Variants in YBX2 observed in about 807,000 individuals in gnomAD.
YBX2 encodes Y-box-binding protein 2.
YBX2 carries 5 observed loss-of-function variants against 44.4 expected under a neutral mutation model. The observed-to-expected ratio is 0.11, with a 90% CI of 0.06 to 0.24. YBX2 has a LOEUF of 0.24. YBX2 is among the 10% of genes least tolerant of loss of function. The pLI, the probability that YBX2 is intolerant of heterozygous loss-of-function variation, is 1.00. For synonymous variants in YBX2, 188 were observed against 216.1 expected, an observed-to-expected ratio of 0.87 and a Z score of 1.14; for missense variants, 417 against 526.9, an observed-to-expected ratio of 0.79 and a Z score of 2.04.
rs1302453441 is a variant in YBX2 at position 7,294,208 on chromosome 17, C to T, written c.271+22G>A. ...CAGCCCGCCGACCCCTCAGAGCCGC[C>T]CTGTGCGCGCCTGCCCCTCACCCAG... On this transcript the variant is annotated intron_variant, in intron 1 of 8. Coordinates refer to ENST00000007699, the MANE Select transcript of YBX2 (RefSeq NM_015982.4). The surrounding 1 kb of genome is among the most constrained non-coding windows in gnomAD (Gnocchi z 4.6). 21 of 1,263,238 alleles carry T rather than the reference C, an allele frequency of 1.7e-5. No individual in the cohort carries two copies. In the East Asian group the frequency reaches 4.1e-4, roughly 24 times the overall value. 78.3% of individuals were successfully genotyped at this position (1,263,238 alleles called of 1,614,324 possible).
rs1329522833 is a variant in YBX2, at chr17:7,294,578, G to C, written c.-78C>G. The C allele has an allele frequency of 3.9e-6, 5 of 1,271,692 alleles. No homozygotes were observed. The highest frequency in any genetic ancestry group is 4.0e-6 in the Non-Finnish European group (4 of 1,011,104). The allele number at this position is 1,271,692 out of a possible 1,614,324, so 78.8% of individuals were successfully genotyped here. On this transcript the variant is annotated 5_prime_UTR_variant, in exon 1 of 9. Transcript: ENST00000007699. This position sits in a 1 kb window ranked among gnomAD's most constrained non-coding sequence, Gnocchi z 4.6. ...GGCTCGCGAACCCACCGCCCTGCTC[G>C]GTCCTCGCGCCCCGAGCCTCGCCCA...
intron 7 of YBX2, 64 bp from the exon 8 acceptor site, chr17:7,288,902 A>G: frequency 1.9e-6 from 3 of 1,599,370 alleles, no homozygotes; most frequent in Non-Finnish European, 2.6e-6. Flanking sequence ...GTCTCACTCC[A>G]GGTTGGATGG....
Position 7,290,340 on chromosome 17 carries a change from G to T in YBX2, c.655C>A (p.Arg219=). The stretch of plus-strand genomic sequence containing the variant: ...GGTGGGGGGCACCATCGTCGGGGCC[G>T]TTGCCCAGAGTCTTCAGCCCGCTCC... ...KGERAEDSGQ[R]PRRWCPPPFF... The change falls in exon 5 of 9, where the codon CGG becomes AGG. Residue 219 remains arginine (R), a synonymous_variant. Coordinates refer to ENST00000007699, the MANE Select transcript of YBX2 (RefSeq NM_015982.4). 1 of 1,613,802 alleles carries T rather than the reference G, an allele frequency of 6.2e-7. No individual in the cohort carries two copies. The highest frequency in any genetic ancestry group is 1.3e-5 in the African/African-American group (1 of 75,014).
intron 6 of YBX2, 82 bp from the exon 7 acceptor site, chr17:7,289,807 G>A: frequency 1.3e-6 from 2 of 1,599,592 alleles, no homozygotes; most frequent in South Asian, 1.1e-5. Context: ...CCCACCTCCA[G>A]GAGCCAGGCT....
In YBX2 at chr17:7,288,485, G is replaced by A; in HGVS notation, c.*198C>T. 5.6e-6 allele frequency: 2 copies of A among 360,196 alleles called. No individual in the cohort carries two copies. The highest frequency in any genetic ancestry group is 1.1e-5 in the Non-Finnish European group (2 of 189,164). The allele number at this position is 360,196 out of a possible 1,614,324, so 22.3% of individuals were successfully genotyped here. A position where few individuals can be genotyped will look rare whatever the true frequency, so the allele number is the denominator to read the frequency against. ...GCTCCCTTCCTTCAACCCTTGATAA[G>A]GGGAGGGAAGAAAAAAGAAAAAGCA... On this transcript the variant is annotated 3_prime_UTR_variant, in exon 9 of 9. Coordinates refer to ENST00000007699, the MANE Select transcript of YBX2 (RefSeq NM_015982.4).
chr17:7,288,899 T>C, intron 7 of YBX2, 61 bp from the exon 8 acceptor site: 3 of 1,595,282 alleles, frequency 1.9e-6, no homozygotes, highest in Non-Finnish European at 1.7e-6. Context: ...AGAGTCTCAC[T>C]CCAGGTTGGA....
chr17:7,291,580 T>C lies in YBX2; in HGVS notation c.370-398A>G. The C allele has an allele frequency of 2.6e-6, 1 of 387,572 alleles. No individual in the cohort carries two copies. The highest frequency in any genetic ancestry group is 2.1e-5 in the African/African-American group (1 of 48,284). 24.0% of individuals were successfully genotyped at this position (387,572 alleles called of 1,614,324 possible). A position where few individuals can be genotyped will look rare whatever the true frequency, so the allele number is the denominator to read the frequency against. On this transcript the variant is annotated intron_variant, in intron 3 of 8. Coordinates refer to ENST00000007699, the MANE Select transcript of YBX2 (RefSeq NM_015982.4). This position sits in a 1 kb window ranked among gnomAD's most constrained non-coding sequence, Gnocchi z 5.8. ...CCACCAAGCAGTGGTTCTCAAGCTG[T>C]AGCGTGCATCAGAATCACCTGGAGA...
intron 1 of YBX2, 144 bp from the exon 2 acceptor site, chr17:7,293,682 A>T (rs976822474): frequency 3.9e-5 from 58 of 1,493,822 alleles, no homozygotes; most frequent in Non-Finnish European, 4.9e-5. Context: ...ACCAGGTTTC[A>T]CTAGTAGCTT....
rs937767641 is a variant in YBX2 at position 7,294,171 on chromosome 17, C to T, written c.271+59G>A. On this transcript the variant is annotated intron_variant, in intron 1 of 8. Coordinates refer to ENST00000007699, the MANE Select transcript of YBX2 (RefSeq NM_015982.4). This position sits in a 1 kb window ranked among gnomAD's most constrained non-coding sequence, Gnocchi z 4.6. ...TTTCCGGATCCTGCCGGGCTCCACA[C>T]TGCCCCTCCCCCAGCCCGCCGACCC... 8.0e-7 allele frequency: 1 copy of T among 1,243,330 alleles called. No individual in the cohort carries two copies. The highest frequency in any genetic ancestry group is 1.0e-6 in the Non-Finnish European group (1 of 996,308). The allele number at this position is 1,243,330 out of a possible 1,614,324, so 77.0% of individuals were successfully genotyped here.
chr17:7,294,321 C>T lies in YBX2; in HGVS notation c.180G>A (p.Ala60=), dbSNP rs1222565959. The part of the protein sequence containing the change: ...ASGPAAGTPS[A]PGSRTPGNPA... Reference sequence around the variant, plus strand: ...GATTGCCAGGGGTGCGGGAGCCCGGCGCCGAGGGGGTCCCAGCAGCGGGGC... The same window carrying T: ...GATTGCCAGGGGTGCGGGAGCCCGGTGCCGAGGGGGTCCCAGCAGCGGGGC... The change falls in exon 1 of 9, where the codon GCG becomes GCA. Residue 60 remains alanine (A), a synonymous_variant. Transcript: ENST00000007699. This position sits in a 1 kb window ranked among gnomAD's most constrained non-coding sequence, Gnocchi z 4.6. The T allele has an allele frequency of 1.2e-5, 15 of 1,286,280 alleles. No individual in the cohort carries two copies. The East Asian group carries it at 4.1e-4, about 35-fold the overall frequency. 79.7% of individuals were successfully genotyped at this position (1,286,280 alleles called of 1,614,324 possible). A position where few individuals can be genotyped will look rare whatever the true frequency, so the allele number is the denominator to read the frequency against.
chr17:7,291,335 G>T lies in YBX2; in HGVS notation c.370-153C>A. On this transcript the variant is annotated intron_variant, in intron 3 of 8. Transcript: ENST00000007699. This position sits in a 1 kb window ranked among gnomAD's most constrained non-coding sequence, Gnocchi z 5.8. ...CAAGGAGGTGGTCAAAGTTTAGCAG[G>T]GGAAAAGTCCTGAACTCAGGGCCTC... 1.3e-6 allele frequency: 1 copy of T among 756,512 alleles called. No individual in the cohort carries two copies. Among genetic ancestry groups the T allele is most frequent in the Non-Finnish European group, 2.3e-6 (1 of 437,248 alleles). The allele number at this position is 756,512 out of a possible 1,614,324, so 46.9% of individuals were successfully genotyped here. A position where few individuals can be genotyped will look rare whatever the true frequency, so the allele number is the denominator to read the frequency against.
chr17:7,293,735 C>G lies in YBX2; in HGVS notation c.272-197G>C, dbSNP rs1286140884. ...AGTCCACCAAATGAAATCACCCACA[C>G]AGGGACTCAGGCTTTCAAAAAGCCT... On this transcript the variant is annotated intron_variant, in intron 1 of 8. Coordinates refer to ENST00000007699, the MANE Select transcript of YBX2 (RefSeq NM_015982.4). 7.5e-6 allele frequency: 8 copies of G among 1,067,016 alleles called. No homozygotes were observed. The Admixed American group carries it at 2.1e-4, about 28-fold the overall frequency. 66.1% of individuals were successfully genotyped at this position (1,067,016 alleles called of 1,614,324 possible).
intron 1 of YBX2, 152 bp from the exon 2 acceptor site, chr17:7,293,690 C>T: frequency 6.9e-7 from 1 of 1,459,542 alleles, no homozygotes; most frequent in Non-Finnish European, 9.2e-7. Flanking sequence ...TCACTAGTAG[C>T]TTCAAGGTAT....
rs1355829108 is a variant in YBX2, at chr17:7,290,059, C to T, written c.757G>A (p.Val253Ile). 3 of 1,614,256 alleles carry T rather than the reference C, an allele frequency of 1.9e-6. No individual in the cohort carries two copies. Among genetic ancestry groups the T allele is most frequent in the Non-Finnish European group, 2.5e-6 (3 of 1,180,044 alleles). ...QQQPIEGTDR[V>I]EPKETAPLEG... ...AATGGGGCTGTCTCTTTGGGTTCTA[C>T]CCTGTCAGTGCCCTGGGAACATGCA... The change falls in exon 6 of 9, where the codon GTA becomes ATA. Residue 253 changes from valine (V) to isoleucine (I), a missense_variant. By Grantham distance (29) the Val-to-Ile change is conservative. Coordinates refer to ENST00000007699, the MANE Select transcript of YBX2 (RefSeq NM_015982.4).
Position 7,290,091 on chromosome 17 carries a change from C to A in YBX2, c.745-20G>T. On this transcript the variant is annotated intron_variant, in intron 5 of 8. Transcript: ENST00000007699. ...AGTGCCCTGGGAACATGCAAAGGCC[C>A]CGGTGAGCTGTGGGGACAGCAGCTG... 1.2e-6 allele frequency: 2 copies of A among 1,613,874 alleles called. No homozygotes were observed. Among genetic ancestry groups the A allele is most frequent in the South Asian group, 2.2e-5 (2 of 91,084 alleles).
chr17:7,291,594 A>C lies in YBX2; in HGVS notation c.370-412T>G. 1 of 384,320 alleles carries C rather than the reference A, an allele frequency of 2.6e-6. No individual in the cohort carries two copies. 23.8% of individuals were successfully genotyped at this position (384,320 alleles called of 1,614,324 possible). A position where few individuals can be genotyped will look rare whatever the true frequency, so the allele number is the denominator to read the frequency against. ...TTCTCAAGCTGTAGCGTGCATCAGA[A>C]TCACCTGGAGAGCTCGTTAAACCGA... On this transcript the variant is annotated intron_variant, in intron 3 of 8. Coordinates refer to ENST00000007699, the MANE Select transcript of YBX2 (RefSeq NM_015982.4). This position sits in a 1 kb window ranked among gnomAD's most constrained non-coding sequence, Gnocchi z 5.8.
intron 2 of YBX2, chr17:7,292,431 A>G: frequency 3.6e-6 from 1 of 278,446 alleles, no homozygotes; most frequent in East Asian, 7.5e-5. Context: ...CCCCTCCCCC[A>G]ACCCCCATCA....
At chr17:7,293,245 T>TA in intron 2 of YBX2, 1 of 673,894 alleles carries the variant, frequency 1.5e-6, no homozygotes, top group Admixed American at 2.8e-5. Context: ...CAGAGCCAGG[T>TA]TTGCCAAGTT....
At position 7,294,070 on chromosome 17, in the gene YBX2, A is replaced by T; in HGVS notation, c.271+160T>A. ...CCAGGAAGGTACGGCAGGATTTCCC[A>T]CCAGGGGAATCCACTTTGGTGCGCA... On this transcript the variant is annotated intron_variant, in intron 1 of 8. Transcript: ENST00000007699. This position sits in a 1 kb window ranked among gnomAD's most constrained non-coding sequence, Gnocchi z 4.6. 1.2e-6 allele frequency: 1 copy of T among 839,222 alleles called. No individual in the cohort carries two copies. Among genetic ancestry groups the T allele is most frequent in the Non-Finnish European group, 1.6e-6 (1 of 626,358 alleles). 52.0% of individuals were successfully genotyped at this position (839,222 alleles called of 1,614,324 possible). A position where few individuals can be genotyped will look rare whatever the true frequency, so the allele number is the denominator to read the frequency against.
Sources: gnomAD v4.1 joint callset for allele counts on GRCh38, gnomAD v4.1.1 for gene constraint, Gnocchi (gnomAD v3.1) non-coding constraint, MANE v1.5 for transcripts, NCBI Gene and HGNC (gene_info 2026-07-23, HGNC 2026-07-21) for gene names.